Variants in CYB5R4 observed in about 807,000 individuals in gnomAD.
CYB5R4 encodes the protein N-terminal cytochrome b5 and cytochrome b5 oxidoreductase domain-containing protein.
CYB5R4 carries 55 observed loss-of-function variants against 70.2 expected under a neutral mutation model. The ratio of observed to expected loss-of-function variants is 0.78; its 90% CI spans 0.63 to 0.98. CYB5R4 has a LOEUF of 0.98. Ranked by LOEUF, CYB5R4 falls within the 50% of genes least tolerant of loss-of-function variation. CYB5R4 has a pLI of 0.00. For synonymous variants in CYB5R4, 197 were observed against 199.5 expected (o/e 0.99, Z 0.11); for missense variants, 562 against 612.6 (o/e 0.92, Z 0.87).
chr6:83,942,881 C>T (rs1410701302), intron 14 of CYB5R4, among the ~76,000 whole-genome samples: 3 of 152,146 alleles, frequency 2.0e-5, no homozygotes, highest in Non-Finnish European at 4.4e-5. Context: ...ACCACAGCAC[C>T]GAAAAGCCAT....
At chr6:83,923,483 G>A (rs2099466755) in intron 9 of CYB5R4, among the ~76,000 whole-genome samples, 1 of 151,780 alleles carries the variant, frequency 6.6e-6, no homozygotes, top group Non-Finnish European at 1.5e-5. Flanking sequence ...GTTACTGGGT[G>A]TTGTGTTCAC....
chr6:83,864,514 C>T (rs1016997324), intron 2 of CYB5R4, among the ~76,000 whole-genome samples, 186 bp downstream of exon 2: 1 of 152,194 alleles, frequency 6.6e-6, no homozygotes, highest in Admixed American at 6.5e-5. Context: ...CCATTATATT[C>T]TGATGCAGAA....
chr6:83,881,357 T>C (rs899857879), intron 2 of CYB5R4, among the ~76,000 whole-genome samples: 1 of 152,096 alleles, frequency 6.6e-6, no homozygotes, highest in Non-Finnish European at 1.5e-5. Flanking sequence ...AAATTTTTTA[T>C]AGAGATAGCG....
intron 3 of CYB5R4, among the ~76,000 whole-genome samples, chr6:83,899,882 G>A (rs565680449): frequency 2.0e-5 from 3 of 151,900 alleles, no homozygotes; most frequent in African/African-American, 7.3e-5. Context: ...CTTGCTAGGG[G>A]TCTATCAATT....
At chr6:83,922,994 G>A (rs2099466651) in intron 9 of CYB5R4, among the ~76,000 whole-genome samples, 1 of 150,346 alleles carries the variant, frequency 6.7e-6, no homozygotes, top group South Asian at 2.1e-4. Flanking sequence ...ATGTGGCCCC[G>A]ACTGGCCCCC....
chr6:83,888,930 T>C (rs12110699), intron 2 of CYB5R4, among the ~76,000 whole-genome samples: 23,421 of 152,144 alleles, frequency 0.15, 3,532 homozygotes, highest in African/African-American at 0.37. Context: ...AACAACCTTA[T>C]TGGTGATATG....
At chr6:83,883,584 A>G (rs1680542960) in intron 2 of CYB5R4, among the ~76,000 whole-genome samples, 1 of 152,188 alleles carries the variant, frequency 6.6e-6, no homozygotes, top group African/African-American at 2.4e-5. Flanking sequence ...TAAAGATGAA[A>G]TAAAGACTTT....
chr6:83,862,951 G>T (rs1288752512), intron 1 of CYB5R4, among the ~76,000 whole-genome samples: 1 of 152,172 alleles, frequency 6.6e-6, no homozygotes, highest in Non-Finnish European at 1.5e-5. Context: ...GGGAGTAAAT[G>T]GATGTCTAAA....
chr6:83,871,212 G>A (rs1048687916), intron 2 of CYB5R4, among the ~76,000 whole-genome samples: 3 of 151,862 alleles, frequency 2.0e-5, no homozygotes, highest in African/African-American at 4.8e-5. Context: ...ACTCCTGATC[G>A]CAGGTGATCC....
At chr6:83,899,999 C>T (rs2099462620) in intron 3 of CYB5R4, among the ~76,000 whole-genome samples, 1 of 151,852 alleles carries the variant, frequency 6.6e-6, no homozygotes, top group African/African-American at 2.4e-5. Flanking sequence ...TATTTCTTGC[C>T]TTCTGCTAGC....
rs1216175371 is a variant in CYB5R4, at chr6:83,859,752, C to T, written c.-31C>T. The T allele has an allele frequency of 6.2e-7, 1 of 1,610,374 alleles. No homozygotes were observed. The highest frequency in any genetic ancestry group is 8.5e-7 in the Non-Finnish European group (1 of 1,178,476). On this transcript the variant is annotated 5_prime_UTR_variant, in exon 1 of 16. Coordinates refer to ENST00000369681, the MANE Select transcript of CYB5R4 (RefSeq NM_016230.4). ...GGTGCTGTCCCGTCTGGCGGCGATCCCCGGGCAGGGCCCGGGGCCGGGGTT... is the reference window on the plus strand; with the variant it reads ...GGTGCTGTCCCGTCTGGCGGCGATCTCCGGGCAGGGCCCGGGGCCGGGGTT...
chr6:83,874,807 T>C (rs915208978), intron 2 of CYB5R4, among the ~76,000 whole-genome samples: 3 of 151,706 alleles, frequency 2.0e-5, no homozygotes, highest in African/African-American at 4.8e-5. Context: ...TATTTTTGTC[T>C]TTATTCTTTA....
chr6:83,910,615 G>A (rs543402430), intron 4 of CYB5R4, among the ~76,000 whole-genome samples: 3 of 152,138 alleles, frequency 2.0e-5, no homozygotes, highest in Non-Finnish European at 4.4e-5. Context: ...GTTTGTGTTA[G>A]CATTTGTTTT....
intron 14 of CYB5R4, among the ~76,000 whole-genome samples, chr6:83,949,558 A>G (rs1409795157): frequency 6.6e-6 from 1 of 152,160 alleles, no homozygotes; most frequent in Non-Finnish European, 1.5e-5. Context: ...ATATTAAAAA[A>G]CAAATTTTGT....
intron 2 of CYB5R4, among the ~76,000 whole-genome samples, chr6:83,877,205 G>C (rs1215185204): frequency 2.0e-5 from 3 of 151,912 alleles, no homozygotes; most frequent in African/African-American, 7.3e-5. Context: ...TCTTTATTTT[G>C]CCTTCATTTT....
intron 3 of CYB5R4, among the ~76,000 whole-genome samples, chr6:83,906,330 G>C (rs1439295449): frequency 6.6e-6 from 1 of 152,146 alleles, no homozygotes; most frequent in Non-Finnish European, 1.5e-5. Flanking sequence ...GGTTCTGCTG[G>C]GTTCTAGTAC....
In CYB5R4 at chr6:83,922,487, CA is replaced by C; in HGVS notation, c.691+22del. On this transcript the variant is annotated intron_variant, in intron 9 of 15. Transcript: ENST00000369681. Reference sequence around the variant, plus strand: ...ATTTTTCTGGTAAGCTACCAAAAACCAAAAATTATGTATGTACGTACATATA... The same window carrying C: ...ATTTTTCTGGTAAGCTACCAAAAACCAAAATTATGTATGTACGTACATATA... The C allele has an allele frequency of 6.2e-7, 1 of 1,605,266 alleles. No homozygotes were observed. The highest frequency in any genetic ancestry group is 8.5e-7 in the Non-Finnish European group (1 of 1,172,776).
At chr6:83,940,489 T>G in intron 13 of CYB5R4, 26 bp from the exon 14 acceptor site, 3 of 1,536,178 alleles carry the variant, frequency 2.0e-6, no homozygotes, top group South Asian at 1.2e-5. Context: ...AATTAGTTAT[T>G]TCTGAGTTTT....
chr6:83,914,383 T>A, intron 4 of CYB5R4, 33 bp from the exon 5 acceptor site: 11 of 1,518,542 alleles, frequency 7.2e-6, no homozygotes, highest in Non-Finnish European at 9.8e-6. Context: ...TAAAGTATTC[T>A]TATTTGACTT....
Sources: allele counts gnomAD v4.1 joint callset (sites outside exome capture counted in the v4.1 genomes callset), GRCh38; gene constraint gnomAD v4.1.1; transcripts MANE v1.5; gene names NCBI Gene and HGNC (gene_info 2026-07-23, HGNC 2026-07-21).